The following ZNF618 variants were observed in gnomAD, a reference collection of about 807,000 sequenced individuals.
ZNF618 encodes zinc finger protein 618.
A neutral mutation model predicts 103.0 loss-of-function variants in ZNF618; 34 were observed. The ratio of observed to expected loss-of-function variants is 0.33; its 90% CI spans 0.25 to 0.44. The LOEUF (loss-of-function observed/expected upper bound fraction) is 0.44. ZNF618 is among the 20% of genes least tolerant of loss of function. ZNF618 has a pLI of 1.00. For missense variants in ZNF618, 1,059 were observed against 1,295.4 expected, an observed-to-expected ratio of 0.82 and a Z score of 2.80; for synonymous variants, 551 against 542.2, an observed-to-expected ratio of 1.02 and a Z score of -0.23.
chr9:113,979,409 C>G (rs892122591), intron 2 of ZNF618, among the ~76,000 whole-genome samples: 1 of 152,168 alleles, frequency 6.6e-6, no homozygotes, highest in African/African-American at 2.4e-5. Flanking sequence ...AATTTTTCAT[C>G]AGTTCATCAG....
intron 9 of ZNF618, 50 bp downstream of exon 9, chr9:114,008,604 G>A: frequency 6.2e-7 from 1 of 1,604,880 alleles, no homozygotes; most frequent in Non-Finnish European, 8.5e-7. Flanking sequence ...GCTGGCCAAG[G>A]GAGGCAGGGC....
At chr9:113,955,753 C>G (rs1836220855) in intron 1 of ZNF618, among the ~76,000 whole-genome samples, 1 of 152,090 alleles carries the variant, frequency 6.6e-6, no homozygotes, top group Non-Finnish European at 1.5e-5. Flanking sequence ...GTAAGCCCTG[C>G]ACTTTACACA....
At chr9:114,012,447 T>A in intron 9 of ZNF618, among the ~76,000 whole-genome samples, 1 of 152,172 alleles carries the variant, frequency 6.6e-6, no homozygotes, top group Non-Finnish European at 1.5e-5. Flanking sequence ...CATCTAACCC[T>A]GCCTACCTCC....
chr9:113,988,409 A>G lies in ZNF618; in HGVS notation c.166A>G (p.Thr56Ala), dbSNP rs773294604. The G allele has an allele frequency of 2.5e-6, 4 of 1,613,732 alleles. No individual in the cohort carries two copies. The Admixed American group carries it at 6.7e-5, about 27-fold the overall frequency. ...GGCCTCGCTGAGTGCCGAGCAAGGA[A>G]CGATGACGGAGGTGAAGGTGAAGAC... Reference protein sequence around the residue: ...AEASLSAEQGTMTEVKVKTEL... With the variant: ...AEASLSAEQGAMTEVKVKTEL... The change falls in exon 3 of 15, where the codon ACG becomes GCG. Residue 56 changes from threonine (T) to alanine (A), a missense_variant. By Grantham distance (58) the Thr-to-Ala change is moderately conservative. Transcript: ENST00000374126.
At chr9:114,044,556 T>G (rs1040184050) in intron 13 of ZNF618, among the ~76,000 whole-genome samples, 1 of 152,130 alleles carries the variant, frequency 6.6e-6, no homozygotes, top group African/African-American at 2.4e-5. Context: ...ATTTTAGGAT[T>G]GTTTTTTCTA....
chr9:113,893,869 TGCCC>T (rs1829820252), intron 1 of ZNF618, among the ~76,000 whole-genome samples: 1 of 152,198 alleles, frequency 6.6e-6, no homozygotes, highest in Non-Finnish European at 1.5e-5. Context: ...TATTTCCACC[TGCCC>T]ATTTTCTGGC....
intron 10 of ZNF618, among the ~76,000 whole-genome samples, chr9:114,022,921 G>A (rs1189650211): frequency 2.6e-5 from 4 of 151,998 alleles, no homozygotes; most frequent in South Asian, 2.1e-4. Context: ...CTGTTGTCCC[G>A]AAATTTCCTT....
intron 9 of ZNF618, among the ~76,000 whole-genome samples, chr9:114,016,330 GTGT>G: frequency 6.6e-6 from 1 of 152,126 alleles, no homozygotes; most frequent in East Asian, 1.9e-4. Context: ...GAAGAGGTTG[GTGT>G]TGGAGGTCAG....
chr9:113,939,881 A>G (rs1834395822), intron 1 of ZNF618, among the ~76,000 whole-genome samples: 1 of 151,798 alleles, frequency 6.6e-6, no homozygotes, highest in South Asian at 2.1e-4. Flanking sequence ...AGGAGGTGGG[A>G]TTAGCCATTT....
chr9:113,897,067 T>C (rs1157745124), intron 1 of ZNF618, among the ~76,000 whole-genome samples: 1 of 152,168 alleles, frequency 6.6e-6, no homozygotes, highest in African/African-American at 2.4e-5. Context: ...TATGTATTTC[T>C]TTTGGATATC....
chr9:114,002,275 G>A (rs1399655825), intron 5 of ZNF618, among the ~76,000 whole-genome samples: 1 of 152,134 alleles, frequency 6.6e-6, no homozygotes, highest in Non-Finnish European at 1.5e-5. Flanking sequence ...GGTGTGGGAG[G>A]GGGACTCTGC....
chr9:114,002,757 G>A, intron 6 of ZNF618, 95 bp downstream of exon 6: 1 of 1,433,270 alleles, frequency 7.0e-7, no homozygotes, highest in Non-Finnish European at 9.6e-7. Flanking sequence ...AACTGCTCCA[G>A]GTGGCCTCTG....
At position 114,053,627 on chromosome 9, in the gene ZNF618, G is replaced by A. The variant is rs1185489614; in HGVS notation, c.*3460G>A. On this transcript the variant is annotated 3_prime_UTR_variant, in exon 15 of 15. Coordinates refer to ENST00000374126, the MANE Select transcript of ZNF618 (RefSeq NM_001318042.2). ...CCCAAGCCAAGAACTGCAGCGTTGAGGGTTGTCCCTCGGAGTGGAGTAGCC... is the reference window on the plus strand; with the variant it reads ...CCCAAGCCAAGAACTGCAGCGTTGAAGGTTGTCCCTCGGAGTGGAGTAGCC... 2 of 152,248 alleles carry A rather than the reference G, an allele frequency of 1.3e-5. No individual in the cohort carries two copies. The highest frequency in any genetic ancestry group is 4.8e-5 in the African/African-American group (2 of 41,454). The allele number at this position is 152,248 out of a possible 1,614,324, so 9.4% of individuals were successfully genotyped here.
intron 6 of ZNF618, among the ~76,000 whole-genome samples, chr9:114,004,610 C>T (rs1304933598): frequency 6.6e-6 from 1 of 152,214 alleles, no homozygotes; most frequent in Non-Finnish European, 1.5e-5. Flanking sequence ...TTCCCTTCCT[C>T]CCTGTGGAGT....
At chr9:113,878,985 T>A (rs1228111951) in intron 1 of ZNF618, among the ~76,000 whole-genome samples, 1 of 152,126 alleles carries the variant, frequency 6.6e-6, no homozygotes, top group Non-Finnish European at 1.5e-5. Context: ...CTGGTCACAT[T>A]CTGACATATT....
At chr9:113,942,128 G>A (rs1480650679) in intron 1 of ZNF618, among the ~76,000 whole-genome samples, 1 of 152,184 alleles carries the variant, frequency 6.6e-6, no homozygotes, top group Non-Finnish European at 1.5e-5. Flanking sequence ...TATCAGAGAC[G>A]GAGGAAGAAG....
In ZNF618 at chr9:114,049,652, C is replaced by T; in HGVS notation, c.2350C>T (p.Leu784Phe). 1.2e-6 allele frequency: 2 copies of T among 1,613,846 alleles called. No individual in the cohort carries two copies. The highest frequency in any genetic ancestry group is 2.2e-5 in the East Asian group (1 of 44,870). ...CAACGACGCAGGCACTGTCAGCAAG[C>T]TCTGCCACCTCTTCCTGGAGGCGCT... ...KANDAGTVSK[L>F]CHLFLEALKE... Residue 784 changes from leucine (L) to phenylalanine (F), a missense_variant, in exon 15 of 15, where the codon CTC becomes TTC. Coordinates refer to ENST00000374126, the MANE Select transcript of ZNF618 (RefSeq NM_001318042.2).
chr9:113,973,554 G>T (rs1838203683), intron 2 of ZNF618, among the ~76,000 whole-genome samples: 1 of 152,162 alleles, frequency 6.6e-6, no homozygotes, highest in African/African-American at 2.4e-5. Context: ...CCCAAACTGG[G>T]TCGATTTTAC....
chr9:113,954,988 A>C (rs1836133105), intron 1 of ZNF618, among the ~76,000 whole-genome samples: 1 of 152,074 alleles, frequency 6.6e-6, no homozygotes, highest in African/African-American at 2.4e-5. Context: ...CATCCCTTTT[A>C]TCTCTCCAGG....
Sources: allele counts gnomAD v4.1 joint callset (sites outside exome capture counted in the v4.1 genomes callset), GRCh38; gene constraint gnomAD v4.1.1; transcripts MANE v1.5; gene names NCBI Gene and HGNC (gene_info 2026-07-23, HGNC 2026-07-21).